CLTCL1: variants seen among roughly 807,000 people sequenced by gnomAD.
CLTCL1 encodes clathrin heavy chain like 1.
A neutral mutation model predicts 190.0 loss-of-function variants in CLTCL1; 159 were observed. The ratio of observed to expected loss-of-function variants is 0.84; its 90% confidence interval spans 0.74 to 0.95. The LOEUF (loss-of-function observed/expected upper bound fraction) is 0.95. Among genes scored for constraint, CLTCL1 ranks in the 40% least tolerant of loss-of-function variants. CLTCL1 has a pLI of 0.00. For synonymous variants in CLTCL1, 752 were observed against 769.6 expected (o/e 0.98, Z 0.38); for missense variants, 1,878 against 2,033.4 (o/e 0.92, Z 1.47).
rs546472382 is a variant in CLTCL1, at chr22:19,195,425, C to T, written c.4191+841G>A. On this transcript the variant is annotated intron_variant, in intron 26 of 32. Coordinates refer to ENST00000427926, the MANE Select transcript of CLTCL1 (RefSeq NM_007098.4). ...GGAAAGGCAGAGGCTGAAGGCCTCA[C>T]CTGGCAGCACACGTGCCACTCGCGC... 6.6e-5 allele frequency among the ~76,000 whole-genome samples: 10 copies of T among 152,338 alleles called. No individual in the cohort carries two copies. In the East Asian group the frequency reaches 1.9e-3, roughly 29 times the overall value.
At chr22:19,233,357 G>A (rs1555960079) in intron 8 of CLTCL1, 39 bp from the exon 9 acceptor site, 1 of 1,610,478 alleles carries the variant, frequency 6.2e-7, no homozygotes, top group South Asian at 1.1e-5. Flanking sequence ...TTAGGAGGCA[G>A]GTAGGGAGCC....
At chr22:19,257,153 T>C (rs1228581821) in intron 2 of CLTCL1, among the ~76,000 whole-genome samples, 1 of 152,210 alleles carries the variant, frequency 6.6e-6, no homozygotes, top group African/African-American at 2.4e-5. Context: ...TTGATAAAGA[T>C]GAACAAGGTT....
intron 19 of CLTCL1, among the ~76,000 whole-genome samples, chr22:19,212,588 A>AAAGAAGGAAAG (rs2085263644): frequency 6.9e-6 from 1 of 144,718 alleles, no homozygotes; most frequent in South Asian, 2.1e-4. Flanking sequence ...AAAGAAAGAG[A>AAAGAAGGAAAG]AAGAAAGAAA....
chr22:19,248,237 C>T (rs540724418), intron 3 of CLTCL1, among the ~76,000 whole-genome samples: 6 of 151,750 alleles, frequency 4.0e-5, no homozygotes, highest in African/African-American at 7.3e-5. Flanking sequence ...GCGGAGGTTG[C>T]GGTGAGCCAA....
In CLTCL1 at chr22:19,289,267, G is replaced by A. The variant is rs138599356; in HGVS notation, c.42+2333C>T. ...CAAAGTGGTGGGATTACAGGTGTGA[G>A]CCACCATGCTCGGCCTGATTTTATT... On this transcript the variant is annotated intron_variant, in intron 1 of 32. Transcript: ENST00000427926. 1.3e-3 allele frequency among the ~76,000 whole-genome samples: 200 copies of A among 152,318 alleles called. 3 individuals carry two copies. In the South Asian group the frequency reaches 0.014, roughly 11 times the overall value.
intron 18 of CLTCL1, among the ~76,000 whole-genome samples, chr22:19,217,615 CAAAAAAAAAAAAA>C (rs71184793): frequency 2.9e-4 from 10 of 34,770 alleles, no homozygotes; most frequent in African/African-American, 9.0e-4. Context: ...GACTCTGTCT[CAAAAAAAAAAAAA>C]AAAAAAAAAA....
chr22:19,241,726 C>T (rs941127451), intron 4 of CLTCL1, among the ~76,000 whole-genome samples: 1 of 152,212 alleles, frequency 6.6e-6, no homozygotes, highest in East Asian at 1.9e-4. Flanking sequence ...CTTCTGTCTC[C>T]TCACCTCTGC....
chr22:19,227,805 C>A lies in CLTCL1; in HGVS notation c.1783-1422G>T, dbSNP rs1436213567. Among the ~76,000 whole-genome samples the A allele has an allele frequency of 2.0e-5, 3 of 152,094 alleles. No homozygotes were observed. In the South Asian group the frequency reaches 6.2e-4, roughly 32 times the overall value. On this transcript the variant is annotated intron_variant, in intron 11 of 32. Transcript: ENST00000427926. ...TAGAGATGGGGTTTGGCCGTGTTGT[C>A]CATGCTGGTCTCAAACTCCTGGGCT...
chr22:19,274,142 A>G (rs1555981978), intron 2 of CLTCL1, among the ~76,000 whole-genome samples: 1 of 152,172 alleles, frequency 6.6e-6, no homozygotes, highest in East Asian at 1.9e-4. Flanking sequence ...AACCGCAAAC[A>G]ACATGCTAAA....
At chr22:19,239,513 T>TTAGCAGCAGAA in intron 4 of CLTCL1, 125 bp from the exon 5 acceptor site, 1 of 739,598 alleles carries the variant, frequency 1.4e-6, no homozygotes, top group Non-Finnish European at 2.4e-6. Flanking sequence ...AAAGTCACAT[T>TTAGCAGCAGAA]CAACCAAAGC....
In CLTCL1 at chr22:19,223,996, C is replaced by A. The variant is rs201922392; in HGVS notation, c.2187G>T (p.Leu729=). The change falls in exon 14 of 33, where the codon CTG becomes CTT. Residue 729 remains leucine, a synonymous_variant. Transcript: ENST00000427926. ...VNFSQDPDVH[L]KYIQAACKTG... is the part of the protein sequence containing the mutation. ...TCTTACAGGCAGCCTGAATGTATTT[C>A]AGATGCACATCTGGGTCTTGGCTGA... The A allele has an allele frequency of 2.7e-4, 440 of 1,613,884 alleles. No individual in the cohort carries two copies. The highest frequency in any genetic ancestry group is 3.6e-4 in the Non-Finnish European group (430 of 1,179,900).
chr22:19,214,165 G>A (rs555224365), intron 19 of CLTCL1, among the ~76,000 whole-genome samples: 102 of 152,308 alleles, frequency 6.7e-4, no homozygotes, highest in African/African-American at 2.4e-3. Flanking sequence ...ATTGCTGGCT[G>A]TGTGCATCTT....
At chr22:19,211,268 A>G (rs782109893) in intron 19 of CLTCL1, among the ~76,000 whole-genome samples, 17 of 152,250 alleles carry the variant, frequency 1.1e-4, no homozygotes, top group Non-Finnish European at 2.2e-4. Flanking sequence ...TCAATCTGAG[A>G]AAGTACATCT....
At chr22:19,225,421 T>C (rs781905296) in intron 13 of CLTCL1, 32 bp downstream of exon 13, 2 of 1,532,138 alleles carry the variant, frequency 1.3e-6, no homozygotes, top group Non-Finnish European at 1.8e-6. Context: ...TGTAGTCACA[T>C]GGTGGGGTCG....
At chr22:19,227,437 C>T (rs1346689339) in intron 11 of CLTCL1, among the ~76,000 whole-genome samples, 4 of 151,184 alleles carry the variant, frequency 2.6e-5, no homozygotes, top group Non-Finnish European at 5.9e-5. Context: ...CACATGCCAC[C>T]ACACCTGGCT....
intron 1 of CLTCL1, among the ~76,000 whole-genome samples, chr22:19,288,070 G>A (rs370727127): frequency 3.3e-5 from 5 of 152,266 alleles, no homozygotes; most frequent in East Asian, 1.9e-4. Flanking sequence ...CACCCAGGAC[G>A]TGAATTATCC....
At chr22:19,206,614 T>G (rs1451315829) in intron 22 of CLTCL1, among the ~76,000 whole-genome samples, 1 of 152,114 alleles carries the variant, frequency 6.6e-6, no homozygotes, top group East Asian at 1.9e-4. Flanking sequence ...TTCTTTTTCC[T>G]TTTTAGAGAT....
intron 11 of CLTCL1, 31 bp from the exon 12 acceptor site, chr22:19,226,414 T>C (rs1555956160): frequency 6.2e-7 from 1 of 1,612,392 alleles, no homozygotes; most frequent in Non-Finnish European, 8.5e-7. Context: ...TGAGAAGCCC[T>C]GATCAATGGC....
chr22:19,209,299 G>T, intron 20 of CLTCL1, 185 bp from the exon 21 acceptor site: 1 of 511,856 alleles, frequency 2.0e-6, no homozygotes, highest in Non-Finnish European at 3.4e-6. Flanking sequence ...GCTATTATAT[G>T]AGAAGGGGGA....
Sources: gnomAD v4.1 joint callset for allele counts (sites outside exome capture counted in the v4.1 genomes callset) on GRCh38, gnomAD v4.1.1 for gene constraint, MANE v1.5 for transcripts, NCBI Gene and HGNC (gene_info 2026-07-23, HGNC 2026-07-21) for gene names.